Variants in LRP2 observed in about 807,000 individuals in gnomAD.
LRP2 encodes the protein low-density lipoprotein receptor-related protein 2.
Under a neutral mutation model 531.0 loss-of-function variants are expected in LRP2, and 172 were observed. The observed-to-expected ratio is 0.32, with a 90% CI of 0.29 to 0.37. LRP2 has a LOEUF of 0.37. Ranked by LOEUF, LRP2 falls within the 10% of genes least tolerant of loss-of-function variation. LRP2 has a pLI of 1.00. For missense variants in LRP2, 5,167 were observed against 5,868.3 expected (o/e 0.88, Z 3.90); for synonymous variants, 1,992 against 2,027.6 (o/e 0.98, Z 0.47).
Position 169,197,009 on chromosome 2 carries a change from C to T in LRP2, c.8600G>A (p.Ser2867Asn). 3 of 1,613,902 alleles carry T rather than the reference C, an allele frequency of 1.9e-6. No individual in the cohort carries two copies. Among genetic ancestry groups the T allele is most frequent in the Non-Finnish European group, 2.5e-6 (3 of 1,179,888 alleles). Residue 2867 changes from serine (S) to asparagine (N), a missense_variant, in exon 46 of 79, where the codon AGT (serine) becomes AAT (asparagine). By Grantham distance (46) the Ser-to-Asn change is conservative. Transcript: ENST00000649046. ...GCGCCCAGATGCGCATTGGAACTCA[C>T]TGCTGCTGCACGTGTGAGTGGCTGC... is the stretch of plus-strand genomic sequence containing the variant. ...TYCTTHTCSS[S>N]EFQCASGRCI...
chr2:169,272,480 A>AG (rs1683442874), intron 15 of LRP2, among the ~76,000 whole-genome samples: 1 of 152,266 alleles, frequency 6.6e-6, no homozygotes, highest in Non-Finnish European at 1.5e-5. Context: ...CCTGGTTGAA[A>AG]GGGGCATACG....
At chr2:169,241,877 CA>C (rs1689819643) in intron 24 of LRP2, among the ~76,000 whole-genome samples, 1 of 152,170 alleles carries the variant, frequency 6.6e-6, no homozygotes, top group Admixed American at 6.5e-5. Context: ...CAGTTCTTTG[CA>C]AACTTTCCAC....
chr2:169,139,653 A>T (rs761217907), intron 72 of LRP2, 43 bp from the exon 73 acceptor site: 1 of 1,557,418 alleles, frequency 6.4e-7, no homozygotes, highest in African/African-American at 1.4e-5. Context: ...TTATGTTCTT[A>T]GGCTTCTACT....
chr2:169,173,246 A>G, intron 56 of LRP2, 22 bp from the exon 57 acceptor site: 6 of 1,614,068 alleles, frequency 3.7e-6, no homozygotes, highest in Non-Finnish European at 5.1e-6. Context: ...GGAGGCATCA[A>G]AGTCAGAACT....
chr2:169,206,814 T>C lies in LRP2; in HGVS notation c.6906A>G (p.Gln2302=), dbSNP rs1688407209. The change falls in exon 39 of 79, where the codon CAA becomes CAG. Residue 2302 remains glutamine, a synonymous_variant. Coordinates refer to ENST00000649046, the MANE Select transcript of LRP2 (RefSeq NM_004525.3). ...CTGTGTTCTCTGGTTCCTTGCTGGC[T>C]TGGAAGATCTTTTTCAAATTCCTAT... ...WVDRNLKKIF[Q]ASKEPENTEP... 3.1e-6 allele frequency: 5 copies of C among 1,614,170 alleles called. No homozygotes were observed. In the Middle Eastern group the frequency reaches 8.2e-4, roughly 266 times the overall value.
intron 49 of LRP2, 71 bp from the exon 50 acceptor site, chr2:169,186,090 A>G: frequency 7.3e-7 from 1 of 1,374,126 alleles, no homozygotes; most frequent in Non-Finnish European, 1.0e-6. Context: ...GTTCAAAGTC[A>G]ACATTTCTAC....
rs950397742 is a variant in LRP2 at position 169,171,888 on chromosome 2, A to G, written c.11263+127T>C. The G allele has an allele frequency of 7.0e-6, 8 of 1,145,744 alleles. No homozygotes were observed. The African/African-American group carries it at 9.1e-5, about 13-fold the overall frequency. 71.0% of individuals were successfully genotyped at this position (1,145,744 alleles called of 1,614,324 possible). A position where few individuals can be genotyped will look rare whatever the true frequency, so the allele number is the denominator to read the frequency against. Reference sequence around the variant, plus strand: ...GAAATGTACTGACCAGCAGAAAGAAAGAGATCAGACAGCTTGATATCATCC... The same window carrying G: ...GAAATGTACTGACCAGCAGAAAGAAGGAGATCAGACAGCTTGATATCATCC... On this transcript the variant is annotated intron_variant, in intron 58 of 78. Coordinates refer to ENST00000649046, the MANE Select transcript of LRP2 (RefSeq NM_004525.3).
At chr2:169,326,890 T>C (rs1486150687) in intron 1 of LRP2, among the ~76,000 whole-genome samples, 93 of 130,276 alleles carry the variant, frequency 7.1e-4, no homozygotes, top group African/African-American at 2.4e-3. Context: ...ATGTGAGGAG[T>C]GCCTCTGCCC....
At position 169,279,579 on chromosome 2, in the gene LRP2, A is replaced by C. The variant is rs1464936819; in HGVS notation, c.1358T>G (p.Ile453Ser). 6.2e-7 allele frequency: 1 copy of C among 1,612,048 alleles called. No homozygotes were observed. The highest frequency in any genetic ancestry group is 1.3e-5 in the African/African-American group (1 of 74,866). ...TVQNKVFSVDINGLNIQEVLN... is the reference protein window; with the variant it reads ...TVQNKVFSVDSNGLNIQEVLN... ...AACCTCTTGGATATTTAAACCATTA[A>C]TGTCAACTGAAAAAACCTGAAAGAA... The change falls in exon 12 of 79, where the codon ATT becomes AGT. Residue 453 changes from isoleucine (I) to serine (S), a missense_variant. Ile to Ser is a moderately radical substitution (Grantham distance 142, BLOSUM62 -2). Transcript: ENST00000649046.
At chr2:169,272,316 G>C (rs183693530) in intron 15 of LRP2, among the ~76,000 whole-genome samples, 1 of 152,062 alleles carries the variant, frequency 6.6e-6, no homozygotes, top group African/African-American at 2.4e-5. Context: ...AAACCTTCAA[G>C]GTAAGAATGA....
At chr2:169,298,737 T>A (rs9287914) in intron 4 of LRP2, among the ~76,000 whole-genome samples, 48,478 of 151,736 alleles carry the variant, frequency 0.32, 8,329 homozygotes, top group East Asian at 0.59. Flanking sequence ...CAATATGATA[T>A]AATCTAGGAA....
intron 3 of LRP2, among the ~76,000 whole-genome samples, chr2:169,311,381 G>A (rs1382626760): frequency 2.6e-5 from 4 of 152,212 alleles, no homozygotes; most frequent in African/African-American, 4.8e-5. Flanking sequence ...GTGTGTCCCA[G>A]AGATTCTGGT....
At position 169,193,876 on chromosome 2, in the gene LRP2, T is replaced by C. The variant is rs1167108621; in HGVS notation, c.8715A>G (p.Thr2905=). The change falls in exon 47 of 79, where the codon ACA becomes ACG. Residue 2905 remains threonine, a synonymous_variant. Transcript: ENST00000649046. ...EPASCGHSER[T]CLADEFKCDG... is the part of the protein sequence containing the mutation. ...CACACTTGAACTCATCAGCTAGGCA[T>C]GTTCGCTCAGAGTGACCTGAAAAGA... 6.2e-7 allele frequency: 1 copy of C among 1,614,072 alleles called. No individual in the cohort carries two copies. The highest frequency in any genetic ancestry group is 1.3e-5 in the African/African-American group (1 of 74,930).
At chr2:169,355,275 T>G (rs1331340047) in intron 1 of LRP2, among the ~76,000 whole-genome samples, 2 of 152,244 alleles carry the variant, frequency 1.3e-5, no homozygotes, top group African/African-American at 2.4e-5. Context: ...ATTCTGTAAG[T>G]TACCCCAGGG....
At chr2:169,199,662 C>A (rs1239180003) in intron 44 of LRP2, among the ~76,000 whole-genome samples, 3 of 149,186 alleles carry the variant, frequency 2.0e-5, no homozygotes, top group Non-Finnish European at 4.4e-5. Flanking sequence ...GATAGCATAA[C>A]CCTGCAGAAA....
chr2:169,164,910 G>T (rs1252530461), intron 62 of LRP2, among the ~76,000 whole-genome samples: 1 of 152,182 alleles, frequency 6.6e-6, no homozygotes, highest in Non-Finnish European at 1.5e-5. Flanking sequence ...AGATTTTGGG[G>T]AAGGGGGAAA....
chr2:169,268,719 T>G (rs1433251365), intron 16 of LRP2, among the ~76,000 whole-genome samples: 1 of 152,186 alleles, frequency 6.6e-6, no homozygotes, highest in Non-Finnish European at 1.5e-5. Context: ...CTCTCGCCAC[T>G]CCTACTCAGC....
intron 55 of LRP2, 149 bp from the exon 56 acceptor site, chr2:169,174,313 G>T: frequency 1.1e-6 from 1 of 875,486 alleles, no homozygotes; most frequent in Non-Finnish European, 1.8e-6. Flanking sequence ...CTACTACATG[G>T]AGCACTTCTT....
At chr2:169,149,352 C>A (rs995961716) in intron 68 of LRP2, among the ~76,000 whole-genome samples, 3 of 152,316 alleles carry the variant, frequency 2.0e-5, no homozygotes, top group East Asian at 1.9e-4. Flanking sequence ...GAAGGTTCAA[C>A]ACATCATATA....
Sources: allele counts gnomAD v4.1 joint callset (sites outside exome capture counted in the v4.1 genomes callset), GRCh38; gene constraint gnomAD v4.1.1; transcripts MANE v1.5; gene names NCBI Gene and HGNC (gene_info 2026-07-23, HGNC 2026-07-21).